The following ST8SIA4 variants were observed in gnomAD, a reference collection of about 807,000 sequenced individuals.
ST8SIA4 encodes the protein CMP-N-acetylneuraminate-poly-alpha-2,8-sialyltransferase.
ST8SIA4 carries 15 observed loss-of-function variants against 33.9 expected under a neutral mutation model. The ratio of observed to expected loss-of-function variants is 0.44; its 90% CI spans 0.30 to 0.68. The LOEUF (loss-of-function observed/expected upper bound fraction) is 0.68, where lower values mean the gene tolerates loss of function less well. ST8SIA4 is among the 30% of genes least tolerant of loss of function. The pLI, the probability that ST8SIA4 is intolerant of heterozygous loss-of-function variation, is 0.10. For synonymous variants in ST8SIA4, 171 were observed against 151.2 expected (o/e 1.13, Z -0.96); for missense variants, 321 against 428.0 (o/e 0.75, Z 2.21).
At position 100,846,299 on chromosome 5, in the gene ST8SIA4, T is replaced by C. The variant is rs3776163; in HGVS notation, c.797+9804A>G. ...GCTCTAGAGAACTAACTGAACCAAA[T>C]TGCAATGTCTAACTTCAGCACAACT... On this transcript the variant is annotated intron_variant, in intron 4 of 4. Coordinates refer to ENST00000231461, the MANE Select transcript of ST8SIA4 (RefSeq NM_005668.6). 2.2e-4 allele frequency among the ~76,000 whole-genome samples: 33 copies of C among 152,046 alleles called. No homozygotes were observed. In the East Asian group the frequency reaches 5.4e-3, roughly 25 times the overall value.
chr5:100,867,108 G>A (rs1561399663), intron 3 of ST8SIA4, among the ~76,000 whole-genome samples: 1 of 151,904 alleles, frequency 6.6e-6, no homozygotes, highest in South Asian at 2.1e-4. Context: ...ACATAGAATC[G>A]ATACTAGGTA....
Position 100,843,770 on chromosome 5 carries a change from C to T in ST8SIA4, c.797+12333G>A, listed in dbSNP as rs530769907. Among the ~76,000 whole-genome samples the T allele has an allele frequency of 2.0e-5, 3 of 152,040 alleles. No individual in the cohort carries two copies. In the South Asian group the frequency reaches 6.2e-4, roughly 31 times the overall value. On this transcript the variant is annotated intron_variant, in intron 4 of 4. Transcript: ENST00000231461. ...GAAGTCAGCCATACTGTTGCTCCAACATATTTTCCACTTCTTGCTCTGCAA... is the reference window on the plus strand; with the variant it reads ...GAAGTCAGCCATACTGTTGCTCCAATATATTTTCCACTTCTTGCTCTGCAA...
chr5:100,811,598 T>C lies in ST8SIA4; in HGVS notation c.*249A>G, dbSNP rs996081169. The C allele has an allele frequency of 7.0e-6, 3 of 429,520 alleles. No homozygotes were observed. Among genetic ancestry groups the C allele is most frequent in the Admixed American group, 7.8e-5 (2 of 25,682 alleles). 26.6% of individuals were successfully genotyped at this position (429,520 alleles called of 1,614,324 possible). A position where few individuals can be genotyped will look rare whatever the true frequency, so the allele number is the denominator to read the frequency against. ...CACTGTTGGATCTTGTAAACACTAC[T>C]GATTATACATTCAAACTGTATTCTT... On this transcript the variant is annotated 3_prime_UTR_variant, in exon 5 of 5. Transcript: ENST00000231461.
At chr5:100,899,319 T>C (rs1282873369) in intron 1 of ST8SIA4, among the ~76,000 whole-genome samples, 1 of 152,250 alleles carries the variant, frequency 6.6e-6, no homozygotes, top group African/African-American at 2.4e-5. Context: ...TGATAGTTTC[T>C]ACCTTAATTT....
intron 4 of ST8SIA4, among the ~76,000 whole-genome samples, chr5:100,855,443 G>A (rs1288859502): frequency 2.0e-5 from 3 of 152,134 alleles, no homozygotes; most frequent in Non-Finnish European, 4.4e-5. Flanking sequence ...TACACTTCCA[G>A]TAAAAATACA....
chr5:100,848,132 T>A (rs1365646358), intron 4 of ST8SIA4, among the ~76,000 whole-genome samples: 3 of 151,938 alleles, frequency 2.0e-5, no homozygotes, highest in Non-Finnish European at 2.9e-5. Context: ...CAAGATGGCA[T>A]GTCAAACACC....
intron 1 of ST8SIA4, among the ~76,000 whole-genome samples, chr5:100,898,235 G>A (rs1169508258): frequency 1.3e-5 from 2 of 152,114 alleles, no homozygotes. Context: ...GAGGTGGGGG[G>A]ATTACTTGAT....
At chr5:100,834,092 T>G (rs1183599166) in intron 4 of ST8SIA4, among the ~76,000 whole-genome samples, 2 of 152,132 alleles carry the variant, frequency 1.3e-5, no homozygotes, top group African/African-American at 4.8e-5. Flanking sequence ...TCAAAAGACA[T>G]TATTTCTATA....
rs574576662 is a variant in ST8SIA4, at chr5:100,842,286, AC to A, written c.797+13816del. Among the ~76,000 whole-genome samples, 176 of 152,004 alleles carry A rather than the reference AC, an allele frequency of 1.2e-3. 5 individuals carry two copies. In the South Asian group the frequency reaches 0.035, roughly 31 times the overall value. ...GGTGTATGCATCTGTTCCAGAGAAA[AC>A]AGAAAGAGGAAATAATTGTGAGCTG... is the stretch of plus-strand genomic sequence containing the variant. On this transcript the variant is annotated intron_variant, in intron 4 of 4. Coordinates refer to ENST00000231461, the MANE Select transcript of ST8SIA4 (RefSeq NM_005668.6).
At chr5:100,886,069 T>C in intron 3 of ST8SIA4, 1 of 1,159,042 alleles carries the variant, frequency 8.6e-7, no homozygotes. Context: ...ATATTAAATT[T>C]AATAAAATTG....
chr5:100,860,026 A>G (rs984696918), intron 3 of ST8SIA4, among the ~76,000 whole-genome samples: 6 of 152,160 alleles, frequency 3.9e-5, no homozygotes, highest in Non-Finnish European at 1.5e-5. Context: ...TCTACAACGT[A>G]TTGTATGTAT....
intron 1 of ST8SIA4, among the ~76,000 whole-genome samples, chr5:100,900,833 C>T (rs1301968483): frequency 6.6e-6 from 1 of 152,142 alleles, no homozygotes; most frequent in East Asian, 1.9e-4. Context: ...ATAAAGGTTT[C>T]CCCCTATCTT....
chr5:100,857,033 G>C lies in ST8SIA4; in HGVS notation c.504-637C>G, dbSNP rs768835851. Among the ~76,000 whole-genome samples the C allele has an allele frequency of 5.2e-4, 79 of 152,074 alleles. 1 individual carries two copies. Among genetic ancestry groups the C allele is most frequent in the African/African-American group, 1.6e-3 (65 of 41,418 alleles). ...ACTTTCTGGGGTTTTAAGTAATATA[G>C]AAAAGCTCTTACTATAAGATCAAAT... On this transcript the variant is annotated intron_variant, in intron 3 of 4. Transcript: ENST00000231461.
intron 4 of ST8SIA4, among the ~76,000 whole-genome samples, chr5:100,838,611 A>G (rs1580456561): frequency 1.3e-5 from 2 of 149,856 alleles, no homozygotes; most frequent in Middle Eastern, 6.8e-3. Context: ...AGCACTAGAG[A>G]AAAAAAAACC....
chr5:100,829,141 T>G (rs980357954), intron 4 of ST8SIA4, among the ~76,000 whole-genome samples: 1 of 152,220 alleles, frequency 6.6e-6, no homozygotes, highest in African/African-American at 2.4e-5. Flanking sequence ...CTCACCTCAC[T>G]GCCATGCTCT....
At chr5:100,877,282 A>T (rs1025062691) in intron 3 of ST8SIA4, among the ~76,000 whole-genome samples, 1 of 152,192 alleles carries the variant, frequency 6.6e-6, no homozygotes, top group African/African-American at 2.4e-5. Context: ...TTATTACTGA[A>T]ATTTTGTAAT....
intron 4 of ST8SIA4, among the ~76,000 whole-genome samples, chr5:100,813,166 AC>A (rs1750848209): frequency 6.6e-6 from 1 of 152,030 alleles, no homozygotes; most frequent in Non-Finnish European, 1.5e-5. Flanking sequence ...TTTCTCTAAA[AC>A]TTTTATAAAA....
rs1444981054 is a variant in ST8SIA4 at position 100,810,247 on chromosome 5, A to T, written c.*1600T>A. On this transcript the variant is annotated 3_prime_UTR_variant, in exon 5 of 5. Coordinates refer to ENST00000231461, the MANE Select transcript of ST8SIA4 (RefSeq NM_005668.6). Reference sequence around the variant, plus strand: ...ATTTCATGTGTTTCTTGAAGAACATATGTGATATTGTGACTAAATTTAACT... The same window carrying T: ...ATTTCATGTGTTTCTTGAAGAACATTTGTGATATTGTGACTAAATTTAACT... 1.3e-5 allele frequency: 2 copies of T among 152,212 alleles called. No individual in the cohort carries two copies. The highest frequency in any genetic ancestry group is 4.8e-5 in the African/African-American group (2 of 41,454). The allele number at this position is 152,212 out of a possible 1,614,324, so 9.4% of individuals were successfully genotyped here.
At chr5:100,882,989 A>G (rs779796024) in intron 3 of ST8SIA4, among the ~76,000 whole-genome samples, 25 of 151,934 alleles carry the variant, frequency 1.6e-4, no homozygotes, top group Admixed American at 4.6e-4. Context: ...GGAGCCCCCC[A>G]CCCCTCCCAC....
Sources: gnomAD v4.1 joint callset for allele counts (sites outside exome capture counted in the v4.1 genomes callset) on GRCh38, gnomAD v4.1.1 for gene constraint, MANE v1.5 for transcripts, NCBI Gene and HGNC (gene_info 2026-07-23, HGNC 2026-07-21) for gene names.